The following PPFIA2 variants were observed in gnomAD, a reference collection of about 807,000 sequenced individuals.
PPFIA2 encodes liprin-alpha-2.
PPFIA2 carries 46 observed loss-of-function variants against 175.5 expected under a neutral mutation model. That is an observed-to-expected ratio of 0.26 (90% CI 0.21 to 0.34). The LOEUF (loss-of-function observed/expected upper bound fraction) is 0.34. Ranked by LOEUF, PPFIA2 falls within the 10% of genes least tolerant of loss-of-function variation. PPFIA2 has a pLI of 1.00. For synonymous variants in PPFIA2, 568 were observed against 511.4 expected, an observed-to-expected ratio of 1.11 and a Z score of -1.49; for missense variants, 1,179 against 1,506.1, an observed-to-expected ratio of 0.78 and a Z score of 3.60.
intron 18 of PPFIA2, among the ~76,000 whole-genome samples, chr12:81,345,179 G>A (rs1008288110): frequency 6.6e-6 from 1 of 151,710 alleles, no homozygotes; most frequent in Non-Finnish European, 1.5e-5. Flanking sequence ...CAAAATTTTT[G>A]GCATCCTAAA....
chr12:81,422,059 T>C (rs2046330531), intron 7 of PPFIA2, among the ~76,000 whole-genome samples: 1 of 150,050 alleles, frequency 6.7e-6, no homozygotes. Context: ...TATACATATA[T>C]ATATACGTGT....
chr12:81,374,914 C>A, intron 10 of PPFIA2, 146 bp from the exon 11 acceptor site: 1 of 710,956 alleles, frequency 1.4e-6, no homozygotes, highest in Non-Finnish European at 2.3e-6. Flanking sequence ...TGATTGTTGT[C>A]TTGTTATCAT....
chr12:81,611,324 C>G (rs1567566631), intron 4 of PPFIA2, among the ~76,000 whole-genome samples: 1 of 152,178 alleles, frequency 6.6e-6, no homozygotes, highest in Non-Finnish European at 1.5e-5. Context: ...GACCCAGCAA[C>G]TGGCCCCTCT....
intron 3 of PPFIA2, among the ~76,000 whole-genome samples, chr12:81,678,016 C>A (rs1446996167): frequency 6.6e-6 from 1 of 151,838 alleles, no homozygotes; most frequent in Admixed American, 6.6e-5. Context: ...TCCCTCATCC[C>A]TCCCAAATGA....
intron 8 of PPFIA2, among the ~76,000 whole-genome samples, chr12:81,405,007 C>G (rs1370315405): frequency 6.6e-6 from 1 of 152,094 alleles, no homozygotes; most frequent in Non-Finnish European, 1.5e-5. Context: ...CCTGAGTTTC[C>G]AACACAGGAT....
At chr12:81,451,487 A>G (rs1443006115) in intron 5 of PPFIA2, among the ~76,000 whole-genome samples, 1 of 152,154 alleles carries the variant, frequency 6.6e-6, no homozygotes, top group Non-Finnish European at 1.5e-5. Flanking sequence ...AGAAAAATTT[A>G]CAAAGCTAAG....
intron 4 of PPFIA2, among the ~76,000 whole-genome samples, chr12:81,522,720 A>G (rs2153248860): frequency 6.6e-6 from 1 of 152,304 alleles, no homozygotes; most frequent in East Asian, 1.9e-4. Context: ...GCCCTTTTCC[A>G]TGACAAATAA....
At chr12:81,529,653 C>G (rs2064232771) in intron 4 of PPFIA2, among the ~76,000 whole-genome samples, 2 of 151,848 alleles carry the variant, frequency 1.3e-5, no homozygotes, top group African/African-American at 4.8e-5. Flanking sequence ...TGTTCAATGT[C>G]AGCTGAATGC....
intron 21 of PPFIA2, among the ~76,000 whole-genome samples, chr12:81,327,466 C>A (rs904339643): frequency 6.6e-6 from 1 of 151,856 alleles, no homozygotes; most frequent in Admixed American, 6.6e-5. Context: ...TGTATATTTG[C>A]CTTACTGTAT....
intron 3 of PPFIA2, among the ~76,000 whole-genome samples, chr12:81,744,500 G>A (rs1328059587): frequency 6.9e-6 from 1 of 145,774 alleles, no homozygotes; most frequent in Admixed American, 7.1e-5. Flanking sequence ...TCAGCTCACT[G>A]CAACCTCTGA....
At chr12:81,707,038 T>G (rs570835705) in intron 3 of PPFIA2, among the ~76,000 whole-genome samples, 2 of 152,222 alleles carry the variant, frequency 1.3e-5, no homozygotes, top group East Asian at 3.9e-4. Flanking sequence ...GATTAAAGAC[T>G]TAAACGTTAG....
chr12:81,718,227 G>A (rs933807971), intron 3 of PPFIA2, among the ~76,000 whole-genome samples: 11 of 151,708 alleles, frequency 7.3e-5, no homozygotes, highest in African/African-American at 2.7e-4. Flanking sequence ...TAGAGGGATT[G>A]ATTACTCTTT....
chr12:81,723,709 A>G (rs771780786), intron 3 of PPFIA2, among the ~76,000 whole-genome samples: 9 of 150,986 alleles, frequency 6.0e-5, no homozygotes, highest in Non-Finnish European at 1.3e-4. Flanking sequence ...AAACACAACT[A>G]TTGTAATGCA....
At chr12:81,534,361 T>G (rs2065076957) in intron 4 of PPFIA2, among the ~76,000 whole-genome samples, 1 of 151,624 alleles carries the variant, frequency 6.6e-6, no homozygotes. Flanking sequence ...CACATAAAAT[T>G]GAGAAATTTT....
intron 4 of PPFIA2, among the ~76,000 whole-genome samples, chr12:81,625,218 T>G (rs1268318624): frequency 6.6e-6 from 1 of 151,794 alleles, no homozygotes; most frequent in Non-Finnish European, 1.5e-5. Flanking sequence ...ATGTCAGAAA[T>G]GTATCTTTTC....
At chr12:81,269,691 TA>T (rs1306371899) in intron 28 of PPFIA2, among the ~76,000 whole-genome samples, 1 of 152,218 alleles carries the variant, frequency 6.6e-6, no homozygotes, top group Non-Finnish European at 1.5e-5. Context: ...TTGCCCGATT[TA>T]TTTTTTTTAG....
chr12:81,663,099 C>T (rs534608832), intron 4 of PPFIA2, among the ~76,000 whole-genome samples: 3 of 151,490 alleles, frequency 2.0e-5, no homozygotes, highest in African/African-American at 7.3e-5. Context: ...CAATATCATA[C>T]TGGAAGGCAT....
intron 9 of PPFIA2, among the ~76,000 whole-genome samples, chr12:81,376,356 T>A (rs2036353512): frequency 6.6e-6 from 1 of 151,912 alleles, no homozygotes; most frequent in Admixed American, 6.6e-5. Context: ...AGATAACAAA[T>A]ACCATCCGTA....
intron 24 of PPFIA2, among the ~76,000 whole-genome samples, chr12:81,291,028 CA>C (rs1470174099): frequency 6.6e-6 from 1 of 150,984 alleles, no homozygotes; most frequent in Non-Finnish European, 1.5e-5. Context: ...ACTAAATTTA[CA>C]AAAAAGTACA....
Sources: gnomAD v4.1 joint callset for allele counts (sites outside exome capture counted in the v4.1 genomes callset) on GRCh38, gnomAD v4.1.1 for gene constraint, MANE v1.5 for transcripts, NCBI Gene and HGNC (gene_info 2026-07-23, HGNC 2026-07-21) for gene names.